Variants in IRF5 observed in about 807,000 individuals in gnomAD.
IRF5 encodes interferon regulatory factor 5.
A neutral mutation model predicts 55.1 loss-of-function variants in IRF5; 24 were observed. That is an observed-to-expected ratio of 0.44 (90% CI 0.32 to 0.61). The LOEUF is 0.61. IRF5 is among the 20% of genes least tolerant of loss of function. The pLI, the probability that IRF5 is intolerant of heterozygous loss-of-function variation, is 0.07. For synonymous variants in IRF5, 258 were observed against 260.2 expected, an observed-to-expected ratio of 0.99 and a Z score of 0.08; for missense variants, 499 against 658.5, an observed-to-expected ratio of 0.76 and a Z score of 2.65.
In IRF5 at chr7:128,946,039, C is replaced by G; in HGVS notation, c.385+5C>G. ...CCAATGGCCCTGCTCCCACAGGTAT[C>G]AGGCCTAGCCCTCTGTGGGCCACCT... On this transcript the variant is annotated splice_donor_5th_base_variant and intron_variant, in intron 3 of 8. Transcript: ENST00000357234. The surrounding 1 kb of genome is among the most constrained non-coding windows in gnomAD (Gnocchi z 4.2). 6.3e-7 allele frequency: 1 copy of G among 1,593,356 alleles called. No homozygotes were observed. Among genetic ancestry groups the G allele is most frequent in the Non-Finnish European group, 8.5e-7 (1 of 1,172,404 alleles).
rs768251684 is a variant in IRF5 at position 128,947,327 on chromosome 7, TACTCTGCAGCCGCCC to T, written c.595_609del (p.Thr199_Pro203del). The stretch of plus-strand genomic sequence containing the variant: ...TGCAGCCGCCCACTCTGCGGCCGCC[TACTCTGCAGCCGCCC>T]ACTCTGCAGCCGCCCGTGGTGCTGG... On this transcript the variant is annotated inframe_deletion, in exon 6 of 9. Transcript: ENST00000357234. This position sits in a 1 kb window ranked among gnomAD's most constrained non-coding sequence, Gnocchi z 6.5. The T allele has an allele frequency of 9.9e-5, 41 of 412,770 alleles. No homozygotes were observed. The highest frequency in any genetic ancestry group is 8.2e-4 in the South Asian group (22 of 26,912). The allele number at this position is 412,770 out of a possible 1,614,324, so 25.6% of individuals were successfully genotyped here.
At chr7:128,938,568 C>G (rs780719595) in intron 1 of IRF5, among the ~76,000 whole-genome samples, 1 of 152,212 alleles carries the variant, frequency 6.6e-6, no homozygotes, top group African/African-American at 2.4e-5. Context: ...CGTTCATCCC[C>G]CGGGATCTTC....
At chr7:128,943,023 ATTT>A (rs34539872) in intron 2 of IRF5, 7 of 86,926 alleles carry the variant, frequency 8.1e-5, no homozygotes, top group South Asian at 3.6e-4. Flanking sequence ...CCAGATTCCA[ATTT>A]TTTTTTTTTT....
At position 128,946,799 on chromosome 7, in the gene IRF5, A is replaced by G. The variant is rs1221419892; in HGVS notation, c.448-224A>G. On this transcript the variant is annotated intron_variant, in intron 4 of 8. Coordinates refer to ENST00000357234, the MANE Select transcript of IRF5 (RefSeq NM_001098629.3). This position sits in a 1 kb window ranked among gnomAD's most constrained non-coding sequence, Gnocchi z 4.2. The stretch of plus-strand genomic sequence containing the variant: ...CAGCAGTTGGGGCTTGGTAGGTCTG[A>G]CTCCCTGCAGAAGGCAAATGAGGAA... 1 of 658,590 alleles carries G rather than the reference A, an allele frequency of 1.5e-6. No homozygotes were observed. Among genetic ancestry groups the G allele is most frequent in the Admixed American group, 2.4e-5 (1 of 41,692 alleles). 40.8% of individuals were successfully genotyped at this position (658,590 alleles called of 1,614,324 possible).
upstream of IRF5, among the ~76,000 whole-genome samples, chr7:128,937,118 C>T (rs962357936): frequency 6.6e-6 from 1 of 152,208 alleles, no homozygotes; most frequent in Non-Finnish European, 1.5e-5. Context: ...CAAAATCAAC[C>T]AGGAAGCTAT....
At chr7:128,938,126 T>C (rs1250580628) in intron 1 of IRF5, 77 bp downstream of exon 1, 3 of 152,006 alleles carry the variant, frequency 2.0e-5, no homozygotes, top group Admixed American at 2.0e-4. Flanking sequence ...CGGTGCCGGC[T>C]ACTGCCCCCA....
At position 128,942,256 on chromosome 7, in the gene IRF5, G is replaced by A. The variant is rs371958768; in HGVS notation, c.175G>A (p.Gly59Arg). The change falls in exon 2 of 9, where the codon GGA becomes AGA. Residue 59 changes from glycine to arginine, a missense_variant. Transcript: ENST00000357234. The stretch of plus-strand genomic sequence containing the variant: ...CACAAGGCATGGTCCCAGCCAGGAC[G>A]GAGATAACACCATCTTCAAGGTAAG... ...HATRHGPSQD[G>R]DNTIFKAWAK... 160 of 1,612,988 alleles carry A rather than the reference G, an allele frequency of 9.9e-5. No homozygotes were observed. Among genetic ancestry groups the A allele is most frequent in the Middle Eastern group, 1.7e-4 (1 of 5,952 alleles).
At chr7:128,938,525 C>G (rs1795855876) in intron 1 of IRF5, among the ~76,000 whole-genome samples, 1 of 152,226 alleles carries the variant, frequency 6.6e-6, no homozygotes, top group Non-Finnish European at 1.5e-5. Flanking sequence ...CCGGGCCACC[C>G]TCACCCTTTC....
intron 1 of IRF5, among the ~76,000 whole-genome samples, chr7:128,939,935 A>G (rs1055667758): frequency 1.3e-5 from 2 of 152,214 alleles, no homozygotes; most frequent in Non-Finnish European, 2.9e-5. Context: ...ATGGGCCTTG[A>G]TTGGGGTGGT....
intron 1 of IRF5, among the ~76,000 whole-genome samples, chr7:128,939,125 C>T (rs2128956549): frequency 6.6e-6 from 1 of 152,038 alleles, no homozygotes; most frequent in East Asian, 1.9e-4. Flanking sequence ...GATAAGTGAC[C>T]AGAACCAGAG....
chr7:128,940,427 G>A (rs888148373), intron 1 of IRF5: 2 of 152,306 alleles, frequency 1.3e-5, no homozygotes, highest in African/African-American at 4.8e-5. Context: ...CTATTCTAGG[G>A]CCAAGGCCTC....
Position 128,947,292 on chromosome 7 carries a change from C to T in IRF5, c.544C>T (p.Pro182Ser). 1 of 1,606,700 alleles carries T rather than the reference C, an allele frequency of 6.2e-7. No individual in the cohort carries two copies. The highest frequency in any genetic ancestry group is 8.5e-7 in the Non-Finnish European group (1 of 1,177,324). The change falls in exon 6 of 9, where the codon CCG becomes TCG. Residue 182 changes from proline to serine, a missense_variant. Pro to Ser is a moderately conservative substitution (Grantham distance 74). Transcript: ENST00000357234. The surrounding 1 kb of genome is among the most constrained non-coding windows in gnomAD (Gnocchi z 6.5). ...TTTACTCAAAGAGGATGTCAAGTGG[C>T]CGCCCACTCTGCAGCCGCCCACTCT... ...YSLLKEDVKWPPTLQPPTLRP... is the reference protein window; with the variant it reads ...YSLLKEDVKWSPTLQPPTLRP...
intron 1 of IRF5, among the ~76,000 whole-genome samples, chr7:128,939,139 G>T (rs1410555935): frequency 6.6e-6 from 1 of 152,022 alleles, no homozygotes; most frequent in African/African-American, 2.4e-5. Flanking sequence ...ACCAGAGAGG[G>T]CTCGGCTGTA....
intron 2 of IRF5, among the ~76,000 whole-genome samples, chr7:128,943,761 G>A (rs1393295344): frequency 2.7e-5 from 3 of 112,902 alleles, no homozygotes; most frequent in African/African-American, 1.0e-4. Flanking sequence ...GGTAAAGACA[G>A]GGTTTCACCC....
chr7:128,949,063 A>G lies in IRF5; in HGVS notation c.*245A>G, dbSNP rs1796490569. ...CGGGAAATTCAGCCATGAGCAGGGA[A>G]AGAACTCTCCCAACCCTGGGGCCTA... On this transcript the variant is annotated 3_prime_UTR_variant, in exon 9 of 9. Transcript: ENST00000357234. 3 of 540,064 alleles carry G rather than the reference A, an allele frequency of 5.6e-6. No individual in the cohort carries two copies. The Admixed American group carries it at 9.5e-5, about 17-fold the overall frequency. The allele number at this position is 540,064 out of a possible 1,614,324, so 33.5% of individuals were successfully genotyped here. A position where few individuals can be genotyped will look rare whatever the true frequency, so the allele number is the denominator to read the frequency against.
rs1239660357 is a variant in IRF5 at position 128,948,705 on chromosome 7, C to T, written c.1432C>T (p.His478Tyr). 1.2e-6 allele frequency: 2 copies of T among 1,614,144 alleles called. No homozygotes were observed. Among genetic ancestry groups the T allele is most frequent in the South Asian group, 1.1e-5 (1 of 91,090 alleles). Residue 478 changes from histidine (H) to tyrosine (Y), a missense_variant, in exon 9 of 9, where the codon CAT (histidine) becomes TAT (tyrosine). Physicochemically the swap from His to Tyr is moderately conservative, Grantham distance 83. Around this residue, in one of 2 missense-constraint regions of IRF5, gnomAD observed 194 missense variants for 318.3 expected, o/e 0.61. Coordinates refer to ENST00000357234, the MANE Select transcript of IRF5 (RefSeq NM_001098629.3). The surrounding 1 kb of genome is among the most constrained non-coding windows in gnomAD (Gnocchi z 4.6). Reference sequence around the variant, plus strand: ...CATGGTGGAGCAATTCAAGGAGCTCCATCACATCTGGCAGTCCCAGCAGCG... The same window carrying T: ...CATGGTGGAGCAATTCAAGGAGCTCTATCACATCTGGCAGTCCCAGCAGCG... ...DRMVEQFKEL[H>Y]HIWQSQQRLQ...
In IRF5 at chr7:128,947,686, C is replaced by CG. The variant is rs1796396257; in HGVS notation, c.788-42dup. ...GCCACTGGGCTGCAGAATGGGGAGG[C>CG]GTGGGGCTCAAGGACGGGATGGGCC... On this transcript the variant is annotated intron_variant, in intron 6 of 8. Transcript: ENST00000357234. This position sits in a 1 kb window ranked among gnomAD's most constrained non-coding sequence, Gnocchi z 6.5. 1 of 1,539,548 alleles carries CG rather than the reference C, an allele frequency of 6.5e-7. No individual in the cohort carries two copies. The highest frequency in any genetic ancestry group is 8.7e-7 in the Non-Finnish European group (1 of 1,147,666).
intron 1 of IRF5, among the ~76,000 whole-genome samples, chr7:128,938,646 G>A (rs946985130): frequency 6.6e-6 from 1 of 152,212 alleles, no homozygotes; most frequent in Non-Finnish European, 1.5e-5. Flanking sequence ...GCGTCCCTGG[G>A]CTCGCGGCCG....
Position 128,948,212 on chromosome 7 carries a change from C to A in IRF5, c.1183C>A (p.Leu395Ile). Residue 395 changes from leucine to isoleucine, a missense_variant and splice_region_variant, in exon 8 of 9, where the codon CTC (leucine) becomes ATC (isoleucine). Around this residue, in one of 2 missense-constraint regions of IRF5, gnomAD observed 194 missense variants for 318.3 expected, o/e 0.61. Transcript: ENST00000357234. The surrounding 1 kb of genome is among the most constrained non-coding windows in gnomAD (Gnocchi z 4.6). ...TAGGGACCTTGATTTTGATGCAGAG[C>A]TCATCCTGTTCCAAAAGGGCCAGAC... ...LFSLEHFLNELILFQKGQTNT... is the reference protein window; with the variant it reads ...LFSLEHFLNEIILFQKGQTNT... The A allele has an allele frequency of 6.2e-7, 1 of 1,612,632 alleles. No individual in the cohort carries two copies. Among genetic ancestry groups the A allele is most frequent in the South Asian group, 1.1e-5 (1 of 90,832 alleles).
Sources: allele counts gnomAD v4.1 joint callset (sites outside exome capture counted in the v4.1 genomes callset), GRCh38; gene constraint gnomAD v4.1.1; regional missense constraint gnomAD v4.1.1; non-coding constraint Gnocchi (gnomAD v3.1); transcripts MANE v1.5; gene names NCBI Gene and HGNC (gene_info 2026-07-23, HGNC 2026-07-21).